Variants in DPF1 observed in about 807,000 individuals in gnomAD.
DPF1 encodes the protein double PHD fingers 1.
A neutral mutation model predicts 58.7 loss-of-function variants in DPF1; 14 were observed. The ratio of observed to expected loss-of-function variants is 0.24; its 90% confidence interval spans 0.16 to 0.37. The LOEUF (loss-of-function observed/expected upper bound fraction) is 0.37, where lower values mean the gene tolerates loss of function less well. Ranked by LOEUF, DPF1 falls within the 10% of genes least tolerant of loss-of-function variation. The pLI is 1.00. For synonymous variants in DPF1, 216 were observed against 216.0 expected, an observed-to-expected ratio of 1.00 and a Z score of 0.00; for missense variants, 345 against 529.9, an observed-to-expected ratio of 0.65 and a Z score of 3.43.
chr19:38,216,413 G>C lies in DPF1; in HGVS notation c.728-10C>G, dbSNP rs547136639. 33 of 1,575,474 alleles carry C rather than the reference G, an allele frequency of 2.1e-5. No homozygotes were observed. The highest frequency in any genetic ancestry group is 6.0e-5 in the South Asian group (5 of 83,476). On this transcript the variant is annotated splice_polypyrimidine_tract_variant and intron_variant, in intron 7 of 11. Coordinates refer to ENST00000355526, the MANE Select transcript of DPF1 (RefSeq NM_001135155.3). ...AATTCTTTGTAAAACTCTGGGGTAGGGGGGACAGAGAGAGGGACTCTCACC... is the reference window on the plus strand; with the variant it reads ...AATTCTTTGTAAAACTCTGGGGTAGCGGGGACAGAGAGAGGGACTCTCACC...
At position 38,222,876 on chromosome 19, in the gene DPF1, G is replaced by A. The variant is rs1049907782; in HGVS notation, c.30-168C>T. ...CTCCGGGACCCAGGCTGGGGGAAGGGGACAGGGCCCAGGGGCCCCCAAACT... is the reference window on the plus strand; with the variant it reads ...CTCCGGGACCCAGGCTGGGGGAAGGAGACAGGGCCCAGGGGCCCCCAAACT... On this transcript the variant is annotated intron_variant, in intron 1 of 11. Coordinates refer to ENST00000355526, the MANE Select transcript of DPF1 (RefSeq NM_001135155.3). This position sits in a 1 kb window ranked among gnomAD's most constrained non-coding sequence, Gnocchi z 4.9. 6.9e-5 allele frequency: 72 copies of A among 1,048,072 alleles called. No individual in the cohort carries two copies. The highest frequency in any genetic ancestry group is 8.7e-5 in the Non-Finnish European group (67 of 769,714). The allele number at this position is 1,048,072 out of a possible 1,614,324, so 64.9% of individuals were successfully genotyped here. A position where few individuals can be genotyped will look rare whatever the true frequency, so the allele number is the denominator to read the frequency against.
In DPF1 at chr19:38,222,743, C is replaced by T. The variant is rs781587475; in HGVS notation, c.30-35G>A. The T allele has an allele frequency of 7.8e-6, 12 of 1,540,916 alleles. No homozygotes were observed. Among genetic ancestry groups the T allele is most frequent in the Non-Finnish European group, 1.0e-5 (12 of 1,144,366 alleles). ...CGGCGAACGGGCGGGCGGCTGTCAGCAAGGGCAGGCGCACAGGGTCGCCCA... is the reference window on the plus strand; with the variant it reads ...CGGCGAACGGGCGGGCGGCTGTCAGTAAGGGCAGGCGCACAGGGTCGCCCA... On this transcript the variant is annotated intron_variant, in intron 1 of 11. Transcript: ENST00000355526. The surrounding 1 kb of genome is among the most constrained non-coding windows in gnomAD (Gnocchi z 4.9).
At chr19:38,213,819 G>T in intron 9 of DPF1, 63 bp from the exon 10 acceptor site, 2 of 1,398,434 alleles carry the variant, frequency 1.4e-6, no homozygotes, top group Non-Finnish European at 2.0e-6. Flanking sequence ...GCACTGACCG[G>T]CAGGGGAGCC....
At chr19:38,216,712 G>C (rs1260156715) in intron 7 of DPF1, among the ~76,000 whole-genome samples, 1 of 152,076 alleles carries the variant, frequency 6.6e-6, no homozygotes, top group South Asian at 2.1e-4. Flanking sequence ...GATTATAAGC[G>C]TGAGCCACTG....
chr19:38,222,669 G>A lies in DPF1; in HGVS notation c.69C>T (p.Cys23=), dbSNP rs1967586137. The A allele has an allele frequency of 6.2e-7, 1 of 1,606,544 alleles. No homozygotes were observed. Among genetic ancestry groups the A allele is most frequent in the South Asian group, 1.1e-5 (1 of 89,978 alleles). ...EDFYREAIEH[C]RSYNARLCAE... is the part of the protein sequence containing the mutation. ...CGCACAGGCGCGCGTTGTAACTGCG[G>A]CAGTGCTCGATGGCCTCGCGGTAGA... The change falls in exon 2 of 12, where the codon TGC becomes TGT. Residue 23 remains cysteine (C), a synonymous_variant. Coordinates refer to ENST00000355526, the MANE Select transcript of DPF1 (RefSeq NM_001135155.3). The surrounding 1 kb of genome is among the most constrained non-coding windows in gnomAD (Gnocchi z 4.9).
chr19:38,220,888 C>T (rs1967423153), intron 3 of DPF1, among the ~76,000 whole-genome samples: 1 of 152,108 alleles, frequency 6.6e-6, no homozygotes, highest in South Asian at 2.1e-4. Flanking sequence ...CCCCGAGGAT[C>T]CCGATATTCC....
chr19:38,221,229 C>T (rs1468222451), intron 3 of DPF1, among the ~76,000 whole-genome samples: 1 of 152,112 alleles, frequency 6.6e-6, no homozygotes, highest in Non-Finnish European at 1.5e-5. Context: ...CACCCTCAGG[C>T]ACCCACAGAA....
chr19:38,218,023 G>A, intron 5 of DPF1, 147 bp from the exon 6 acceptor site: 1 of 721,050 alleles, frequency 1.4e-6, no homozygotes, highest in Non-Finnish European at 2.3e-6. Context: ...CCAACATGGT[G>A]AAGCCCCGTC....
intron 10 of DPF1, among the ~76,000 whole-genome samples, chr19:38,213,095 C>A (rs1973581166): frequency 6.6e-6 from 1 of 151,516 alleles, no homozygotes; most frequent in African/African-American, 2.4e-5. Flanking sequence ...TCAAGCCATT[C>A]TCCTGCCTCA....
chr19:38,224,099 G>A lies in DPF1; in HGVS notation c.29+15C>T. On this transcript the variant is annotated intron_variant, in intron 1 of 11. Coordinates refer to ENST00000355526, the MANE Select transcript of DPF1 (RefSeq NM_001135155.3). The surrounding 1 kb of genome is among the most constrained non-coding windows in gnomAD (Gnocchi z 4.5). ...CGCCCGCGCTTCCTCTCCGCCTCCC[G>A]CCGGCCCGCACCACCTCAGGGGGCC... 3 of 1,497,410 alleles carry A rather than the reference G, an allele frequency of 2.0e-6. No homozygotes were observed. Among genetic ancestry groups the A allele is most frequent in the South Asian group, 2.7e-5 (2 of 73,132 alleles). The allele number at this position is 1,497,410 out of a possible 1,614,324, so 92.8% of individuals were successfully genotyped here. A position where few individuals can be genotyped will look rare whatever the true frequency, so the allele number is the denominator to read the frequency against.
At chr19:38,226,589 A>C (rs1040348239), upstream of DPF1, among the ~76,000 whole-genome samples, 1 of 151,030 alleles carries the variant, frequency 6.6e-6, no homozygotes, top group African/African-American at 2.4e-5. Flanking sequence ...AAGCCAGGTA[A>C]GGTCTTGGCC....
At chr19:38,229,126 G>A (rs1041352921), upstream of DPF1, among the ~76,000 whole-genome samples, 4 of 152,078 alleles carry the variant, frequency 2.6e-5, no homozygotes, top group Non-Finnish European at 5.9e-5. The surrounding 1 kb of genome is among the most constrained non-coding windows in gnomAD (Gnocchi z 5.3). Flanking sequence ...GGGAAAGAGA[G>A]AAAGGCGCTT....
intron 6 of DPF1, 78 bp downstream of exon 6, chr19:38,217,720 C>G: frequency 6.3e-7 from 1 of 1,597,886 alleles, no homozygotes; most frequent in Non-Finnish European, 8.5e-7. Flanking sequence ...GGGTCTGGAA[C>G]GGGAGGGAGA....
At chr19:38,212,237 T>TGGGGGGGGGGGGGGGCGC in intron 11 of DPF1, 43 bp downstream of exon 11, 1 of 1,256,808 alleles carries the variant, frequency 8.0e-7, no homozygotes, top group Non-Finnish European at 1.1e-6. Flanking sequence ...GGAGATGGCG[T>TGGGGGGGGGGGGGGGCGC]TCCCACCCAC....
At position 38,212,342 on chromosome 19, in the gene DPF1, T is replaced by C. The variant is rs781372230; in HGVS notation, c.1031A>G (p.Asp344Gly). 7.4e-7 allele frequency: 1 copy of C among 1,342,346 alleles called. No homozygotes were observed. 83.2% of individuals were successfully genotyped at this position (1,342,346 alleles called of 1,614,324 possible). A position where few individuals can be genotyped will look rare whatever the true frequency, so the allele number is the denominator to read the frequency against. Residue 344 changes from aspartate (D) to glycine (G), a missense_variant, in exon 11 of 12, where the codon GAT becomes GGT. Transcript: ENST00000355526. ...CATGTGGTAACCCCGATCGCAGTCA[T>C]CACAAAACAGCAGCTGGTCCTGGGG... Reference protein sequence around the residue: ...SENDDQLLFCDDCDRGYHMYC... With the variant: ...SENDDQLLFCGDCDRGYHMYC...
chr19:38,216,098 C>T (rs1391700150), intron 9 of DPF1, 42 bp downstream of exon 9: 1 of 1,581,770 alleles, frequency 6.3e-7, no homozygotes, highest in Non-Finnish European at 8.6e-7. Context: ...CCTGAATGTC[C>T]TCTGCACCCG....
At chr19:38,217,040 C>A (rs1568627958) in intron 7 of DPF1, among the ~76,000 whole-genome samples, 1 of 152,206 alleles carries the variant, frequency 6.6e-6, no homozygotes, top group Non-Finnish European at 1.5e-5. Context: ...CTCCCTACTG[C>A]CTCTCCCAAA....
At chr19:38,218,094 C>T (rs759643312) in intron 5 of DPF1, among the ~76,000 whole-genome samples, 2 of 152,148 alleles carry the variant, frequency 1.3e-5, no homozygotes, top group Non-Finnish European at 2.9e-5. Context: ...CCCAGCTACT[C>T]GGGAGGCTGA....
chr19:38,220,792 GAGAC>G (rs960374028), intron 3 of DPF1, among the ~76,000 whole-genome samples: 4 of 152,046 alleles, frequency 2.6e-5, no homozygotes, highest in African/African-American at 7.2e-5. Context: ...ACACACACAG[GAGAC>G]AGACAGGAAG....
Sources: gnomAD v4.1 joint callset for allele counts (sites outside exome capture counted in the v4.1 genomes callset) on GRCh38, gnomAD v4.1.1 for gene constraint, Gnocchi (gnomAD v3.1) non-coding constraint, MANE v1.5 for transcripts, NCBI Gene and HGNC (gene_info 2026-07-23, HGNC 2026-07-21) for gene names.